The following SPMIP4 variants were observed in gnomAD, a reference collection of about 807,000 sequenced individuals.
SPMIP4 encodes the protein sperm microtubule inner protein 4, also known as sperm-associated microtubule inner protein 4.
At chr7:25,161,288 A>T in the SPMIP4 span, 4 of 1,291,968 alleles carry the variant, frequency 3.1e-6, no homozygotes, top group South Asian at 5.6e-5. Context: ...ATTAAATTAA[A>T]CATGTTTTAA....
the SPMIP4 span, chr7:25,179,385 A>G: frequency 1.3e-6 from 2 of 1,522,432 alleles, no homozygotes; most frequent in Admixed American, 1.9e-5. Flanking sequence ...GCAGGCAGAA[A>G]ACACATTTTA....
At chr7:25,164,567 G>T in the SPMIP4 span, among the ~76,000 whole-genome samples, 2 of 152,166 alleles carry the variant, frequency 1.3e-5, no homozygotes, top group East Asian at 3.8e-4. Flanking sequence ...ACCAGCTCAG[G>T]TATTTGCTGA....
At chr7:25,147,484 C>G in the SPMIP4 span, among the ~76,000 whole-genome samples, 37 of 151,860 alleles carry the variant, frequency 2.4e-4, no homozygotes, top group East Asian at 5.8e-3. Flanking sequence ...CTGGGCCAGT[C>G]CAAAGAGGCA....
the SPMIP4 span, among the ~76,000 whole-genome samples, chr7:25,167,993 C>A: frequency 6.6e-6 from 1 of 152,050 alleles, no homozygotes; most frequent in African/African-American, 2.4e-5. Flanking sequence ...CAGATTAGGC[C>A]AGGTCTTTGC....
At chr7:25,139,205 A>C in the SPMIP4 span, among the ~76,000 whole-genome samples, 2 of 152,234 alleles carry the variant, frequency 1.3e-5, no homozygotes, top group Non-Finnish European at 2.9e-5. Flanking sequence ...GGTTGATAAT[A>C]TACATGCTGC....
chr7:25,176,439 T>C, the SPMIP4 span, among the ~76,000 whole-genome samples: 1 of 152,100 alleles, frequency 6.6e-6, no homozygotes, highest in African/African-American at 2.4e-5. The surrounding 1 kb of genome is among the most constrained non-coding windows in gnomAD (Gnocchi z 4.4). Flanking sequence ...ACCCTTGGAG[T>C]TGAACAGGAA....
At chr7:25,169,177 C>T in the SPMIP4 span, among the ~76,000 whole-genome samples, 1 of 152,054 alleles carries the variant, frequency 6.6e-6, no homozygotes, top group African/African-American at 2.4e-5. Context: ...ACTGCTTGAG[C>T]TCAGGAGTTC....
chr7:25,142,679 T>G, the SPMIP4 span: 1 of 1,613,298 alleles, frequency 6.2e-7, no homozygotes, highest in African/African-American at 1.3e-5. Flanking sequence ...CAGTGGGACC[T>G]CTCAAGATTT....
At chr7:25,166,800 C>T in the SPMIP4 span, among the ~76,000 whole-genome samples, 4 of 151,932 alleles carry the variant, frequency 2.6e-5, no homozygotes, top group Non-Finnish European at 5.9e-5. Context: ...GAGGCTGAGG[C>T]AGGAGAATTG....
At chr7:25,164,841 T>C in the SPMIP4 span, among the ~76,000 whole-genome samples, 1 of 152,184 alleles carries the variant, frequency 6.6e-6, no homozygotes, top group Non-Finnish European at 1.5e-5. Flanking sequence ...TGTATCCTCA[T>C]AGCTTAGCTC....
the SPMIP4 span, among the ~76,000 whole-genome samples, chr7:25,127,886 G>A: frequency 6.6e-6 from 1 of 152,212 alleles, no homozygotes; most frequent in Admixed American, 6.5e-5. Context: ...TGTGATCTAA[G>A]TCTTTGGTCA....
chr7:25,142,741 G>T, the SPMIP4 span: 1 of 1,607,356 alleles, frequency 6.2e-7, no homozygotes, highest in Non-Finnish European at 8.5e-7. Context: ...TGAATTTAAA[G>T]AAGTGTTAGG....
chr7:25,148,808 T>C, the SPMIP4 span, among the ~76,000 whole-genome samples: 13 of 152,236 alleles, frequency 8.5e-5, no homozygotes, highest in Admixed American at 2.6e-4. Flanking sequence ...TTTCTCATTT[T>C]TATTTAATAT....
the SPMIP4 span, among the ~76,000 whole-genome samples, chr7:25,168,973 C>T: frequency 2.6e-5 from 4 of 151,854 alleles, no homozygotes; most frequent in African/African-American, 7.3e-5. Context: ...GTGATCCACC[C>T]GCCTCGGCCT....
the SPMIP4 span, among the ~76,000 whole-genome samples, chr7:25,159,134 T>C: frequency 6.6e-6 from 1 of 152,254 alleles, no homozygotes; most frequent in African/African-American, 2.4e-5. Flanking sequence ...AGTCAGGCAG[T>C]AGCCAGAGTG....
the SPMIP4 span, chr7:25,151,727 G>A: frequency 2.8e-6 from 3 of 1,069,774 alleles, no homozygotes; most frequent in African/African-American, 4.7e-5. Flanking sequence ...CAGTCTTTTA[G>A]AGGATTAATA....
At chr7:25,161,039 G>T in the SPMIP4 span, 1 of 515,728 alleles carries the variant, frequency 1.9e-6, no homozygotes, top group Non-Finnish European at 3.5e-6. Flanking sequence ...TGTTTGTTTG[G>T]TCTTGGTTTC....
At chr7:25,141,574 G>GAAAAAAAA in the SPMIP4 span, among the ~76,000 whole-genome samples, 1 of 94,960 alleles carries the variant, frequency 1.1e-5, no homozygotes, top group Non-Finnish European at 2.0e-5. Flanking sequence ...CTGTCTCAAG[G>GAAAAAAAA]AAAAAAAAAA....
chr7:25,137,775 C>G, the SPMIP4 span, among the ~76,000 whole-genome samples: 1 of 152,076 alleles, frequency 6.6e-6, no homozygotes, highest in African/African-American at 2.4e-5. Context: ...ACTTGATTAC[C>G]TTGGAAATGA....
Sources: gnomAD v4.1 joint callset for allele counts (sites outside exome capture counted in the v4.1 genomes callset) on GRCh38, gnomAD v4.1.1 for gene constraint, Gnocchi (gnomAD v3.1) non-coding constraint, MANE v1.5 for transcripts, NCBI Gene and HGNC (gene_info 2026-07-23, HGNC 2026-07-21) for gene names.